SLC16A2: variants seen among roughly 807,000 people sequenced by gnomAD.
SLC16A2 encodes solute carrier family 16 member 2, also known as monocarboxylate transporter 8.
In SLC16A2, 3 loss-of-function variants were observed where a neutral mutation model predicts 27.2. The observed-to-expected ratio is 0.11, with a 90% confidence interval of 0.05 to 0.28. The LOEUF (loss-of-function observed/expected upper bound fraction) is 0.28, where lower values mean the gene tolerates loss of function less well. Among genes scored for constraint, SLC16A2 ranks in the 10% least tolerant of loss-of-function variants. The pLI, the probability that SLC16A2 is intolerant of heterozygous loss-of-function variation, is 1.00. For synonymous variants in SLC16A2, 202 were observed against 187.8 expected, an observed-to-expected ratio of 1.08 and a Z score of -0.62; for missense variants, 295 against 458.5, an observed-to-expected ratio of 0.64 and a Z score of 3.26.
intron 1 of SLC16A2, among the ~76,000 whole-genome samples, chrX:74,439,796 G>T (rs774441629): frequency 1.5e-4 from 17 of 110,019 alleles, no homozygotes; most frequent in Non-Finnish European, 2.8e-4. Context: ...GAGGAAGAGG[G>T]AAAGAAGAGG....
chrX:74,431,115 A>G (rs1602104019), intron 1 of SLC16A2, among the ~76,000 whole-genome samples: 1 of 112,884 alleles, frequency 8.9e-6, no homozygotes, highest in Non-Finnish European at 1.9e-5. Flanking sequence ...ATTACTGGGT[A>G]CATAGCCAAA....
At chrX:74,476,934 A>T (rs1476816905) in intron 1 of SLC16A2, 3 of 111,685 alleles carry the variant, frequency 2.7e-5, no homozygotes, top group Non-Finnish European at 5.6e-5. Flanking sequence ...TTGGTCTAAA[A>T]TTCTCTTTTT....
At chrX:74,440,416 T>G (rs1174326567) in intron 1 of SLC16A2, among the ~76,000 whole-genome samples, 1 of 110,438 alleles carries the variant, frequency 9.1e-6, no homozygotes. Flanking sequence ...TGTTTGTGTG[T>G]GTGTATGTGT....
chrX:74,422,177 A>C, intron 1 of SLC16A2, 110 bp downstream of exon 1: 1 of 776,216 alleles, frequency 1.3e-6, no homozygotes, highest in South Asian at 2.3e-5. Flanking sequence ...CGCCTCTCCG[A>C]CTCCTCCCCT....
chrX:74,472,069 A>G (rs1212992094), intron 1 of SLC16A2, among the ~76,000 whole-genome samples: 1 of 112,132 alleles, frequency 8.9e-6, no homozygotes, highest in Non-Finnish European at 1.9e-5. Flanking sequence ...TGTTTATCCA[A>G]TCATCCATCA....
intron 1 of SLC16A2, among the ~76,000 whole-genome samples, chrX:74,429,340 CA>C (rs1307989510): frequency 9.1e-6 from 1 of 110,202 alleles, no homozygotes; most frequent in Non-Finnish European, 1.9e-5. Context: ...GGCATAGTGG[CA>C]CATGCCTGTG....
intron 1 of SLC16A2, among the ~76,000 whole-genome samples, chrX:74,485,658 G>A (rs1309106422): frequency 2.7e-5 from 3 of 111,117 alleles, no homozygotes; most frequent in African/African-American, 6.6e-5. Context: ...TGGGCCATGC[G>A]GTGAGTGTTA....
Position 74,532,250 on chromosome X carries a change from A to G in SLC16A2, c.*697A>G. 1 of 114,604 alleles carries G rather than the reference A, an allele frequency of 8.7e-6. No individual in the cohort carries two copies. The allele number at this position is 114,604 out of a possible 1,213,427, so 9.4% of individuals were successfully genotyped here. On this transcript the variant is annotated 3_prime_UTR_variant, in exon 6 of 6. Coordinates refer to ENST00000587091, the MANE Select transcript of SLC16A2 (RefSeq NM_006517.5). ...AAAGGAGGGACCCGGAACTTGGGCC[A>G]ATCAGCCTCACCTTGTCCCAGTCCA... is the stretch of plus-strand genomic sequence containing the variant.
At chrX:74,496,683 G>A (rs1929942958) in intron 1 of SLC16A2, among the ~76,000 whole-genome samples, 1 of 112,641 alleles carries the variant, frequency 8.9e-6, no homozygotes, top group Non-Finnish European at 1.9e-5. Flanking sequence ...AGGATTATCT[G>A]TATCCTGGGT....
At position 74,533,726 on chromosome X, in the gene SLC16A2, G is replaced by T. The variant is rs1045790427; in HGVS notation, c.*2173G>T. The T allele has an allele frequency of 8.9e-6, 1 of 112,741 alleles. No homozygotes were observed. Among genetic ancestry groups the T allele is most frequent in the Non-Finnish European group, 1.9e-5 (1 of 53,287 alleles). 9.3% of individuals were successfully genotyped at this position (112,741 alleles called of 1,213,427 possible). On this transcript the variant is annotated 3_prime_UTR_variant, in exon 6 of 6. Transcript: ENST00000587091. ...TTACTTCTTCCACACATGTGGTTGT[G>T]CACATGTGAGCTTGTGTGCTTTTGG...
intron 1 of SLC16A2, among the ~76,000 whole-genome samples, chrX:74,482,641 G>A (rs1929642221): frequency 9.0e-6 from 1 of 110,826 alleles, no homozygotes; most frequent in South Asian, 3.7e-4. Flanking sequence ...GACATTCTTA[G>A]TTTAGATCTC....
intron 3 of SLC16A2, among the ~76,000 whole-genome samples, chrX:74,525,445 G>A (rs1387438124): frequency 9.0e-6 from 1 of 111,696 alleles, no homozygotes; most frequent in African/African-American, 3.3e-5. Flanking sequence ...TGGGGTAAGG[G>A]AATGGGGAGA....
At chrX:74,435,364 T>C (rs901408988) in intron 1 of SLC16A2, among the ~76,000 whole-genome samples, 3 of 108,201 alleles carry the variant, frequency 2.8e-5, no homozygotes, top group East Asian at 2.9e-4. Context: ...AGCATTTTCA[T>C]TGAGGGCAAG....
At chrX:74,462,095 G>A (rs1358694586) in intron 1 of SLC16A2, among the ~76,000 whole-genome samples, 1 of 111,843 alleles carries the variant, frequency 8.9e-6, no homozygotes, top group Non-Finnish European at 1.9e-5. Context: ...CCCCACCTCT[G>A]TTGGCCCAGT....
intron 1 of SLC16A2, among the ~76,000 whole-genome samples, chrX:74,495,503 T>G (rs2147861099): frequency 9.1e-6 from 1 of 109,424 alleles, no homozygotes; most frequent in East Asian, 2.9e-4. Context: ...CCTCTCAGCT[T>G]GGAGTAATGG....
intron 1 of SLC16A2, among the ~76,000 whole-genome samples, chrX:74,438,911 A>ACGTAGTGCAG (rs1488957936): frequency 8.9e-6 from 1 of 112,092 alleles, no homozygotes; most frequent in African/African-American, 3.2e-5. Flanking sequence ...CTCTTTGAAT[A>ACGTAGTGCAG]GCACTACGAC....
In SLC16A2 at chrX:74,531,660, A is replaced by G; in HGVS notation, c.*107A>G. ...CACACTTGTTCCCAGACCTGCGCAC[A>G]CAGCATTTCAGCCACCTGACAATCT... On this transcript the variant is annotated 3_prime_UTR_variant, in exon 6 of 6. Transcript: ENST00000587091. The G allele has an allele frequency of 1.7e-6, 1 of 599,116 alleles. No homozygotes were observed. Among genetic ancestry groups the G allele is most frequent in the Non-Finnish European group, 2.9e-6 (1 of 349,699 alleles). The allele number at this position is 599,116 out of a possible 1,213,427, so 49.4% of individuals were successfully genotyped here. A position where few individuals can be genotyped will look rare whatever the true frequency, so the allele number is the denominator to read the frequency against.
At chrX:74,464,601 A>G (rs1355735008) in intron 1 of SLC16A2, among the ~76,000 whole-genome samples, 1 of 111,841 alleles carries the variant, frequency 8.9e-6, no homozygotes, top group Admixed American at 9.6e-5. Flanking sequence ...TATAATACCA[A>G]ATAAAGATGG....
chrX:74,480,312 G>A (rs966723198), intron 1 of SLC16A2, among the ~76,000 whole-genome samples: 1 of 112,749 alleles, frequency 8.9e-6, no homozygotes, highest in African/African-American at 3.2e-5. Context: ...CTGGTGTGCT[G>A]TTTGCTAAGG....
Sources: allele counts gnomAD v4.1 joint callset (sites outside exome capture counted in the v4.1 genomes callset), GRCh38; gene constraint gnomAD v4.1.1; transcripts MANE v1.5; gene names NCBI Gene and HGNC (gene_info 2026-07-23, HGNC 2026-07-21).